FARP1: variants seen among roughly 807,000 people sequenced by gnomAD.
FARP1 encodes FERM, ARHGEF and pleckstrin domain-containing protein 1.
Under a neutral mutation model 128.8 loss-of-function variants are expected in FARP1, and 52 were observed. The ratio of observed to expected loss-of-function variants is 0.40; its 90% confidence interval spans 0.32 to 0.51. FARP1 has a LOEUF of 0.51. Among genes scored for constraint, FARP1 ranks in the 20% least tolerant of loss-of-function variants. The pLI is 0.45. For missense variants in FARP1, 1,333 were observed against 1,367.9 expected, an observed-to-expected ratio of 0.97 and a Z score of 0.40; for synonymous variants, 580 against 551.8, an observed-to-expected ratio of 1.05 and a Z score of -0.72.
chr13:98,149,979 C>T (rs1326497619), intron 1 of FARP1, among the ~76,000 whole-genome samples: 5 of 151,758 alleles, frequency 3.3e-5, no homozygotes, highest in South Asian at 2.1e-4. Flanking sequence ...CCTTGTGATC[C>T]GCCTGCCTAG....
chr13:98,453,419 G>A lies in FARP1; in HGVS notation c.*5102G>A. The A allele has an allele frequency of 3.5e-6, 2 of 569,098 alleles. No individual in the cohort carries two copies. The highest frequency in any genetic ancestry group is 2.4e-5 in the South Asian group (1 of 42,058). The allele number at this position is 569,098 out of a possible 1,614,324, so 35.3% of individuals were successfully genotyped here. A position where few individuals can be genotyped will look rare whatever the true frequency, so the allele number is the denominator to read the frequency against. ...TTCTTACACAAAAACTCCAGAGCAT[G>A]TCACCAAAAACCAAGAATGGGTTCA... is the stretch of plus-strand genomic sequence containing the variant. On this transcript the variant is annotated 3_prime_UTR_variant, in exon 27 of 27. Transcript: ENST00000319562.
chr13:98,228,800 T>C (rs1475334859), intron 2 of FARP1, among the ~76,000 whole-genome samples: 3 of 152,230 alleles, frequency 2.0e-5, no homozygotes, highest in African/African-American at 7.2e-5. Flanking sequence ...GCTTGGTTTC[T>C]AGGCTATCCG....
chr13:98,451,702 A>G lies in FARP1; in HGVS notation c.*3385A>G, dbSNP rs561606755. The G allele has an allele frequency of 1.3e-5, 2 of 152,300 alleles. No homozygotes were observed. The highest frequency in any genetic ancestry group is 4.1e-4 in the South Asian group (2 of 4,828). 9.4% of individuals were successfully genotyped at this position (152,300 alleles called of 1,614,324 possible). On this transcript the variant is annotated 3_prime_UTR_variant, in exon 27 of 27. Coordinates refer to ENST00000319562, the MANE Select transcript of FARP1 (RefSeq NM_005766.4). ...TAACTCCACAAGAACTGGCACACCCACGGGAGATGTCAATCATCAGCTTCA... is the reference window on the plus strand; with the variant it reads ...TAACTCCACAAGAACTGGCACACCCGCGGGAGATGTCAATCATCAGCTTCA...
chr13:98,435,767 CT>C, intron 19 of FARP1, 61 bp downstream of exon 19: 2 of 1,568,716 alleles, frequency 1.3e-6, no homozygotes, highest in Non-Finnish European at 8.8e-7. Flanking sequence ...ATCGGAGGGA[CT>C]TACATTTGAA....
intron 16 of FARP1, among the ~76,000 whole-genome samples, chr13:98,416,424 G>T (rs1414735870): frequency 6.6e-6 from 1 of 152,184 alleles, no homozygotes; most frequent in African/African-American, 2.4e-5. Flanking sequence ...TTTCCGGAAT[G>T]ATTAGGCTGA....
intron 6 of FARP1, chr13:98,384,235 C>G (rs1263228986): frequency 6.5e-6 from 1 of 153,510 alleles, no homozygotes; most frequent in African/African-American, 2.4e-5. Flanking sequence ...CTCTGTCGCC[C>G]AGGCTAGAGT....
At chr13:98,288,060 A>G (rs550072936) in intron 2 of FARP1, among the ~76,000 whole-genome samples, 33 of 152,274 alleles carry the variant, frequency 2.2e-4, no homozygotes, top group African/African-American at 7.7e-4. Flanking sequence ...TCGGCCTCCC[A>G]AAGTGCTGGG....
intron 2 of FARP1, among the ~76,000 whole-genome samples, chr13:98,285,808 CCAT>C (rs1439804088): frequency 6.6e-6 from 1 of 152,150 alleles, no homozygotes; most frequent in Non-Finnish European, 1.5e-5. Flanking sequence ...TGCTTTTCAA[CCAT>C]CGTTTGGGAG....
chr13:98,165,709 G>GTTTTTTTTTTT (rs1566685742), intron 1 of FARP1, among the ~76,000 whole-genome samples: 2 of 102,406 alleles, frequency 2.0e-5, no homozygotes, highest in Non-Finnish European at 4.0e-5. Context: ...TTCCAGAAGG[G>GTTTTTTTTTTT]GTTTTTTTTT....
chr13:98,210,740 G>A (rs1200648298), intron 1 of FARP1, among the ~76,000 whole-genome samples: 4 of 151,972 alleles, frequency 2.6e-5, no homozygotes, highest in Non-Finnish European at 1.5e-5. Context: ...TAGTAGAGAC[G>A]GGGTTTCACC....
intron 11 of FARP1, among the ~76,000 whole-genome samples, chr13:98,393,134 C>T (rs1890376297): frequency 6.6e-6 from 1 of 152,194 alleles, no homozygotes; most frequent in South Asian, 2.1e-4. Flanking sequence ...CTGTTAAAGT[C>T]AGTTCCTTCT....
chr13:98,377,343 G>T (rs1455300308), intron 5 of FARP1, among the ~76,000 whole-genome samples: 3 of 142,610 alleles, frequency 2.1e-5, no homozygotes, highest in Middle Eastern at 3.7e-3. Flanking sequence ...TACAAATCTT[G>T]TAACTGGGTC....
At chr13:98,371,468 G>A (rs1455613089) in intron 5 of FARP1, among the ~76,000 whole-genome samples, 1 of 152,056 alleles carries the variant, frequency 6.6e-6, no homozygotes. Context: ...TTGTTTTCTG[G>A]CACCCAGTGT....
intron 2 of FARP1, among the ~76,000 whole-genome samples, chr13:98,255,811 T>A (rs1280867878): frequency 3.3e-5 from 5 of 152,220 alleles, no homozygotes; most frequent in African/African-American, 1.2e-4. Context: ...GTGGATTTCT[T>A]GTACTGTATG....
chr13:98,424,816 C>G (rs945985517), intron 17 of FARP1, among the ~76,000 whole-genome samples, 166 bp downstream of exon 17: 1 of 152,156 alleles, frequency 6.6e-6, no homozygotes, highest in African/African-American at 2.4e-5. Flanking sequence ...CAGCCCAGGA[C>G]GGCTTTGAAT....
intron 16 of FARP1, among the ~76,000 whole-genome samples, chr13:98,419,154 C>A (rs1261642332): frequency 2.6e-5 from 4 of 152,138 alleles, no homozygotes; most frequent in Non-Finnish European, 4.4e-5. Context: ...CCACATATAT[C>A]ACATGTGGCT....
chr13:98,448,193 C>T lies in FARP1; in HGVS notation c.3057-43C>T, dbSNP rs138577388. 5.6e-4 allele frequency: 860 copies of T among 1,527,976 alleles called. 1 individual carries two copies. Among genetic ancestry groups the T allele is most frequent in the African/African-American group, 2.0e-3 (143 of 73,300 alleles). 94.7% of individuals were successfully genotyped at this position (1,527,976 alleles called of 1,614,324 possible). On this transcript the variant is annotated intron_variant, in intron 26 of 26. Coordinates refer to ENST00000319562, the MANE Select transcript of FARP1 (RefSeq NM_005766.4). ...GATGCCCACCAAAGTGTCAGGAGTCCGTCCAAACAAAAGGTTGACTAACTG... is the reference window on the plus strand; with the variant it reads ...GATGCCCACCAAAGTGTCAGGAGTCTGTCCAAACAAAAGGTTGACTAACTG...
At chr13:98,241,653 C>T (rs1172243907) in intron 2 of FARP1, among the ~76,000 whole-genome samples, 1 of 152,054 alleles carries the variant, frequency 6.6e-6, no homozygotes, top group Admixed American at 6.5e-5. Context: ...TGGTGGCTCA[C>T]GCCTGTAATC....
chr13:98,450,792 T>G lies in FARP1; in HGVS notation c.*2475T>G, dbSNP rs1458790443. 1 of 152,274 alleles carries G rather than the reference T, an allele frequency of 6.6e-6. No individual in the cohort carries two copies. The highest frequency in any genetic ancestry group is 1.5e-5 in the Non-Finnish European group (1 of 68,066). The allele number at this position is 152,274 out of a possible 1,614,324, so 9.4% of individuals were successfully genotyped here. A position where few individuals can be genotyped will look rare whatever the true frequency, so the allele number is the denominator to read the frequency against. ...CCCTGGTGCCTGGGCTCTCTCTTAATGCAGGCCTGGAAGTGGCGACACAAA... is the reference window on the plus strand; with the variant it reads ...CCCTGGTGCCTGGGCTCTCTCTTAAGGCAGGCCTGGAAGTGGCGACACAAA... On this transcript the variant is annotated 3_prime_UTR_variant, in exon 27 of 27. Coordinates refer to ENST00000319562, the MANE Select transcript of FARP1 (RefSeq NM_005766.4).
Sources: gnomAD v4.1 joint callset for allele counts (sites outside exome capture counted in the v4.1 genomes callset) on GRCh38, gnomAD v4.1.1 for gene constraint, MANE v1.5 for transcripts, NCBI Gene and HGNC (gene_info 2026-07-23, HGNC 2026-07-21) for gene names.